TRIM62: variants seen among roughly 807,000 people sequenced by gnomAD.
TRIM62 encodes the protein E3 ubiquitin-protein ligase TRIM62.
A neutral mutation model predicts 44.2 loss-of-function variants in TRIM62; 39 were observed. The observed-to-expected ratio is 0.88, with a 90% CI of 0.68 to 1.15. The LOEUF (loss-of-function observed/expected upper bound fraction) is 1.15. Ranked by LOEUF, TRIM62 falls within the 50% of genes most tolerant of loss-of-function variation. TRIM62 has a pLI of 0.00. For missense variants in TRIM62, 544 were observed against 665.5 expected, an observed-to-expected ratio of 0.82 and a Z score of 2.01; for synonymous variants, 278 against 292.3, an observed-to-expected ratio of 0.95 and a Z score of 0.50.
intron 4 of TRIM62, among the ~76,000 whole-genome samples, chr1:33,150,615 C>A (rs1645082800): frequency 6.6e-6 from 1 of 152,182 alleles, no homozygotes; most frequent in African/African-American, 2.4e-5. Context: ...GAGAGGACGG[C>A]CACTGAGTTG....
intron 2 of TRIM62, 87 bp from the exon 3 acceptor site, chr1:33,160,031 C>A (rs892979516): frequency 6.5e-7 from 1 of 1,535,862 alleles, no homozygotes. Context: ...AGCCTTGACA[C>A]ACAGAGAGGA....
At position 33,147,026 on chromosome 1, in the gene TRIM62, C is replaced by T; in HGVS notation, c.*151G>A. 2.6e-6 allele frequency: 2 copies of T among 755,722 alleles called. No individual in the cohort carries two copies. The allele number at this position is 755,722 out of a possible 1,614,324, so 46.8% of individuals were successfully genotyped here. A position where few individuals can be genotyped will look rare whatever the true frequency, so the allele number is the denominator to read the frequency against. On this transcript the variant is annotated 3_prime_UTR_variant, in exon 5 of 5. Transcript: ENST00000291416. The surrounding 1 kb of genome is among the most constrained non-coding windows in gnomAD (Gnocchi z 8.1). ...GAGTTTAGGAAGTAGGGAATGCAAC[C>T]TCCATTTTACAGACTGGAGGCTGGA...
At chr1:33,172,315 G>A (rs1645380822) in intron 1 of TRIM62, among the ~76,000 whole-genome samples, 1 of 152,188 alleles carries the variant, frequency 6.6e-6, no homozygotes, top group Admixed American at 6.5e-5. Context: ...GTTCCTTCAA[G>A]TCTCCAGGAT....
rs1645231002 is a variant in TRIM62, at chr1:33,159,514, C to T, written c.761+174G>A. The stretch of plus-strand genomic sequence containing the variant: ...GCTCCTCTAGTTCAAGCCTCACTGG[C>T]TTCATACTCAAGGCTTCATGCTCCT... On this transcript the variant is annotated intron_variant, in intron 3 of 4. Coordinates refer to ENST00000291416, the MANE Select transcript of TRIM62 (RefSeq NM_018207.3). The surrounding 1 kb of genome is among the most constrained non-coding windows in gnomAD (Gnocchi z 4.2). Among the ~76,000 whole-genome samples the T allele has an allele frequency of 6.6e-6, 1 of 152,204 alleles. No homozygotes were observed. The highest frequency in any genetic ancestry group is 2.4e-5 in the African/African-American group (1 of 41,458).
chr1:33,153,475 G>GTGGGTAC (rs1645131538), intron 4 of TRIM62, among the ~76,000 whole-genome samples: 1 of 152,226 alleles, frequency 6.6e-6, no homozygotes, highest in Non-Finnish European at 1.5e-5. Flanking sequence ...ACTGAGTGGG[G>GTGGGTAC]TGGCTACTGG....
chr1:33,171,779 A>G (rs557282952), intron 1 of TRIM62, among the ~76,000 whole-genome samples: 36 of 152,108 alleles, frequency 2.4e-4, no homozygotes, highest in African/African-American at 8.4e-4. Context: ...GTAAGGTCTT[A>G]TTTTTATTTT....
rs1026612996 is a variant in TRIM62, at chr1:33,161,503, C to G, written c.505-1559G>C. 6.6e-6 allele frequency among the ~76,000 whole-genome samples: 1 copy of G among 152,170 alleles called. No individual in the cohort carries two copies. Among genetic ancestry groups the G allele is most frequent in the African/African-American group, 2.4e-5 (1 of 41,444 alleles). On this transcript the variant is annotated intron_variant, in intron 2 of 4. Coordinates refer to ENST00000291416, the MANE Select transcript of TRIM62 (RefSeq NM_018207.3). The surrounding 1 kb of genome is among the most constrained non-coding windows in gnomAD (Gnocchi z 4.3). ...GCTCAATTAGGGCCTGTTCCCTCCC[C>G]GACGCGCGGCTGCTGGCCTGCAGGA...
At chr1:33,170,334 AAT>A (rs1209835967) in intron 1 of TRIM62, among the ~76,000 whole-genome samples, 1 of 151,536 alleles carries the variant, frequency 6.6e-6, no homozygotes, top group East Asian at 1.9e-4. Context: ...AAAAAAAAAA[AAT>A]CTCCCCTACT....
In TRIM62 at chr1:33,145,890, C is replaced by T. The variant is rs1557746072; in HGVS notation, c.*1287G>A. On this transcript the variant is annotated 3_prime_UTR_variant, in exon 5 of 5. Transcript: ENST00000291416. ...AAATGACATTTCCCAGACTCCCTTG[C>T]AGCCAAGGTTCTGGATCTGACTTAA... 4.2e-6 allele frequency: 2 copies of T among 471,080 alleles called. No individual in the cohort carries two copies. The highest frequency in any genetic ancestry group is 6.9e-5 in the East Asian group (1 of 14,408). 29.2% of individuals were successfully genotyped at this position (471,080 alleles called of 1,614,324 possible). A position where few individuals can be genotyped will look rare whatever the true frequency, so the allele number is the denominator to read the frequency against.
At position 33,145,726 on chromosome 1, in the gene TRIM62, C is replaced by T. The variant is rs1213425929; in HGVS notation, c.*1451G>A. On this transcript the variant is annotated 3_prime_UTR_variant, in exon 5 of 5. Coordinates refer to ENST00000291416, the MANE Select transcript of TRIM62 (RefSeq NM_018207.3). ...TTGCAGCCCACTCCTCCAGTTCCCA[C>T]CTCTGGGCAGGGATAGAGCCAAGGG... is the stretch of plus-strand genomic sequence containing the variant. The T allele has an allele frequency of 2.6e-6, 1 of 378,424 alleles. No individual in the cohort carries two copies. Among genetic ancestry groups the T allele is most frequent in the Non-Finnish European group, 5.4e-6 (1 of 185,394 alleles). 23.4% of individuals were successfully genotyped at this position (378,424 alleles called of 1,614,324 possible). A position where few individuals can be genotyped will look rare whatever the true frequency, so the allele number is the denominator to read the frequency against.
At chr1:33,180,975 C>G in intron 1 of TRIM62, 50 bp downstream of exon 1, 2 of 836,774 alleles carry the variant, frequency 2.4e-6, no homozygotes, top group Non-Finnish European at 3.5e-6. Flanking sequence ...CCGCCCGGCC[C>G]CACCTCCAGC....
intron 4 of TRIM62, among the ~76,000 whole-genome samples, chr1:33,150,976 C>T (rs767996346): frequency 3.9e-5 from 6 of 152,106 alleles, no homozygotes; most frequent in African/African-American, 1.4e-4. Context: ...AGACCAGCAA[C>T]AGGCAGCAAC....
chr1:33,176,710 G>A (rs893695274), intron 1 of TRIM62, among the ~76,000 whole-genome samples: 2 of 152,200 alleles, frequency 1.3e-5, no homozygotes, highest in Non-Finnish European at 1.5e-5. Flanking sequence ...GCTCAGGGAC[G>A]GTATGTGGCC....
At chr1:33,151,395 C>A (rs1261654640) in intron 4 of TRIM62, among the ~76,000 whole-genome samples, 1 of 152,112 alleles carries the variant, frequency 6.6e-6, no homozygotes, top group East Asian at 1.9e-4. Flanking sequence ...GGCACCCTGG[C>A]TGAAGCCACC....
At chr1:33,153,521 A>T (rs1471430794) in intron 4 of TRIM62, among the ~76,000 whole-genome samples, 3 of 152,214 alleles carry the variant, frequency 2.0e-5, no homozygotes, top group African/African-American at 7.2e-5. Context: ...CAGGGATGCC[A>T]CTAAACATCC....
chr1:33,149,630 T>A (rs948395265), intron 4 of TRIM62, among the ~76,000 whole-genome samples: 2 of 151,344 alleles, frequency 1.3e-5, no homozygotes, highest in African/African-American at 4.9e-5. Context: ...AATTTTTAAA[T>A]TTTTCATAGA....
Position 33,165,528 on chromosome 1 carries a change from G to T in TRIM62, c.447C>A (p.Ser149Arg). The change falls in exon 2 of 5, where the codon AGC (serine) becomes AGA (arginine). Residue 149 changes from serine (S) to arginine (R), a missense_variant. Physicochemically the swap from Ser to Arg is moderately radical, Grantham distance 110 (BLOSUM62 -1). Coordinates refer to ENST00000291416, the MANE Select transcript of TRIM62 (RefSeq NM_018207.3). The surrounding 1 kb of genome is among the most constrained non-coding windows in gnomAD (Gnocchi z 4.0). ...LKDQLQALQDSEREHTEALQL... is the reference protein window; with the variant it reads ...LKDQLQALQDREREHTEALQL... ...GCAGCGCTTCGGTGTGTTCCCGCTC[G>T]CTGTCTTGAAGGGCCTGAAGTTGGT... 1.2e-6 allele frequency: 2 copies of T among 1,610,644 alleles called. No individual in the cohort carries two copies. The highest frequency in any genetic ancestry group is 1.7e-6 in the Non-Finnish European group (2 of 1,178,472).
At chr1:33,152,850 G>A (rs866060047) in intron 4 of TRIM62, among the ~76,000 whole-genome samples, 3 of 152,150 alleles carry the variant, frequency 2.0e-5, no homozygotes, top group African/African-American at 4.8e-5. Flanking sequence ...AGCAGGGGGC[G>A]GGGAGAGCAG....
Position 33,169,662 on chromosome 1 carries a change from C to G in TRIM62, c.409-4096G>C, listed in dbSNP as rs1645357607. On this transcript the variant is annotated intron_variant, in intron 1 of 4. Coordinates refer to ENST00000291416, the MANE Select transcript of TRIM62 (RefSeq NM_018207.3). ...TTCTTCTCCAGTCCTAGCTCTTGGT[C>G]CAGACGTGTGCTGTTCAATACGACA... Among the ~76,000 whole-genome samples the G allele has an allele frequency of 3.9e-5, 6 of 152,150 alleles. No homozygotes were observed. In the South Asian group the frequency reaches 1.2e-3, roughly 32 times the overall value.
Sources: allele counts gnomAD v4.1 joint callset (sites outside exome capture counted in the v4.1 genomes callset), GRCh38; gene constraint gnomAD v4.1.1; non-coding constraint Gnocchi (gnomAD v3.1); transcripts MANE v1.5; gene names NCBI Gene and HGNC (gene_info 2026-07-23, HGNC 2026-07-21).